LYPD6B: variants seen among roughly 807,000 people sequenced by gnomAD.
LYPD6B encodes the protein ly6/PLAUR domain-containing protein 6B.
Under a neutral mutation model 22.8 loss-of-function variants are expected in LYPD6B, and 17 were observed. The observed-to-expected ratio is 0.75, with a 90% CI of 0.51 to 1.12. The LOEUF (loss-of-function observed/expected upper bound fraction) is 1.12. Among genes scored for constraint, LYPD6B ranks in the 50% most tolerant of loss-of-function variants. LYPD6B has a pLI of 0.00. For missense variants in LYPD6B, 221 were observed against 258.3 expected, an observed-to-expected ratio of 0.86 and a Z score of 0.99; for synonymous variants, 106 against 91.6, an observed-to-expected ratio of 1.16 and a Z score of -0.90.
chr2:149,109,596 A>G (rs1489375195), intron 1 of LYPD6B, among the ~76,000 whole-genome samples: 2 of 152,138 alleles, frequency 1.3e-5, no homozygotes, highest in Admixed American at 6.5e-5. Flanking sequence ...TGTATCTTCA[A>G]ATATTTTTTC....
intron 4 of LYPD6B, among the ~76,000 whole-genome samples, chr2:149,207,909 G>A (rs1188385742): frequency 6.6e-6 from 1 of 151,952 alleles, no homozygotes. Flanking sequence ...ACTAATCTGT[G>A]GGGAGAACAG....
At chr2:149,171,669 C>A (rs1690833586) in intron 3 of LYPD6B, among the ~76,000 whole-genome samples, 1 of 151,976 alleles carries the variant, frequency 6.6e-6, no homozygotes, top group African/African-American at 2.4e-5. Context: ...ATATGGATGG[C>A]AGGGAAAGGT....
chr2:149,132,175 G>A (rs952686999), intron 2 of LYPD6B, among the ~76,000 whole-genome samples: 16 of 151,500 alleles, frequency 1.1e-4, no homozygotes, highest in African/African-American at 2.7e-4. Context: ...AAGAAGAGCC[G>A]TGCCTAGAAT....
chr2:149,079,614 CT>C (rs560022850), intron 1 of LYPD6B, among the ~76,000 whole-genome samples: 1 of 152,034 alleles, frequency 6.6e-6, no homozygotes, highest in African/African-American at 2.4e-5. Context: ...TTCGTATTCT[CT>C]TTTTTTTCTT....
At chr2:149,130,627 C>T (rs1427409645) in intron 1 of LYPD6B, among the ~76,000 whole-genome samples, 1 of 152,142 alleles carries the variant, frequency 6.6e-6, no homozygotes, top group Non-Finnish European at 1.5e-5. Context: ...CATTCTCCTT[C>T]CTAATTCTTG....
intron 1 of LYPD6B, among the ~76,000 whole-genome samples, chr2:149,118,867 A>T (rs1687139810): frequency 1.3e-5 from 2 of 152,206 alleles, no homozygotes; most frequent in African/African-American, 4.8e-5. Context: ...TCCCATTAAT[A>T]TAAACACACA....
In LYPD6B at chr2:149,113,073, A is replaced by G. The variant is rs141404393; in HGVS notation, c.-66-17810A>G. Among the ~76,000 whole-genome samples, 253 of 152,342 alleles carry G rather than the reference A, an allele frequency of 1.7e-3. 1 individual carries two copies. Among genetic ancestry groups the G allele is most frequent in the African/African-American group, 5.7e-3 (239 of 41,578 alleles). On this transcript the variant is annotated intron_variant, in intron 1 of 6. Coordinates refer to ENST00000409642, the MANE Select transcript of LYPD6B (RefSeq NM_177964.5). ...CCATCGGCAAAATCAGGTGGAGAAA[A>G]TGGAATGCATCAGAAAAATAAATTA... is the stretch of plus-strand genomic sequence containing the variant.
At chr2:149,053,349 A>T (rs1333055286) in intron 1 of LYPD6B, among the ~76,000 whole-genome samples, 1 of 152,228 alleles carries the variant, frequency 6.6e-6, no homozygotes, top group Non-Finnish European at 1.5e-5. Context: ...CAAAGTCTTC[A>T]TTGTACCTTT....
At chr2:149,149,788 A>G (rs1689253852) in intron 2 of LYPD6B, among the ~76,000 whole-genome samples, 2 of 152,168 alleles carry the variant, frequency 1.3e-5, no homozygotes, top group Non-Finnish European at 1.5e-5. Context: ...CCATGAATCA[A>G]TCCTTCCCCT....
Position 149,080,873 on chromosome 2 carries a change from C to CAAA in LYPD6B, c.-67+42077_-67+42079dup, listed in dbSNP as rs1191730619. ...AAAAAAAAAAAAAAAAAAAACCACA[C>CAAA]AAAAAAATTCAGTATATTAGGCAAT... On this transcript the variant is annotated intron_variant, in intron 1 of 6. Transcript: ENST00000409642. Among the ~76,000 whole-genome samples, 7 of 108,812 alleles carry CAAA rather than the reference C, an allele frequency of 6.4e-5. 2 individuals are homozygous for CAAA. The highest frequency in any genetic ancestry group is 9.0e-5 in the Admixed American group (1 of 11,080). The allele number at this position is 108,812 out of a possible 152,430, so 71.4% of individuals were successfully genotyped here. A position where few individuals can be genotyped will look rare whatever the true frequency, so the allele number is the denominator to read the frequency against.
chr2:149,102,110 A>G (rs1049071742), intron 1 of LYPD6B, among the ~76,000 whole-genome samples: 2 of 152,204 alleles, frequency 1.3e-5, no homozygotes, highest in Admixed American at 1.3e-4. Flanking sequence ...TCTTTTTAGA[A>G]TTACCTTCTC....
intron 1 of LYPD6B, among the ~76,000 whole-genome samples, chr2:149,039,942 A>G (rs1682994929): frequency 1.3e-5 from 2 of 152,184 alleles, no homozygotes; most frequent in Non-Finnish European, 2.9e-5. Flanking sequence ...CTATGTAGAA[A>G]TTGATTGGGT....
intron 1 of LYPD6B, among the ~76,000 whole-genome samples, chr2:149,116,735 A>G (rs1687024122): frequency 6.6e-6 from 1 of 152,170 alleles, no homozygotes; most frequent in Non-Finnish European, 1.5e-5. Context: ...CACTCAGCAA[A>G]CATTTGTTGA....
At chr2:149,146,863 CT>C (rs1689058921) in intron 2 of LYPD6B, among the ~76,000 whole-genome samples, 1 of 152,218 alleles carries the variant, frequency 6.6e-6, no homozygotes, top group South Asian at 2.1e-4. Context: ...ATTTCAAACA[CT>C]GTAGAATCTT....
intron 3 of LYPD6B, among the ~76,000 whole-genome samples, chr2:149,164,040 C>T (rs192836805): frequency 6.6e-6 from 1 of 151,680 alleles, no homozygotes; most frequent in Admixed American, 6.6e-5. Context: ...ATGAATGGGC[C>T]CTCAGAAGAA....
intron 1 of LYPD6B, among the ~76,000 whole-genome samples, chr2:149,062,175 C>T (rs536576396): frequency 3.3e-5 from 5 of 152,118 alleles, no homozygotes; most frequent in South Asian, 2.1e-4. Context: ...TTAGTAGAGA[C>T]GGGGTTTCTC....
At chr2:149,066,549 G>A (rs1684343536) in intron 1 of LYPD6B, among the ~76,000 whole-genome samples, 1 of 152,060 alleles carries the variant, frequency 6.6e-6, no homozygotes, top group African/African-American at 2.4e-5. Flanking sequence ...GTGTATATGT[G>A]CCACATTTTC....
Position 149,158,362 on chromosome 2 carries a change from T to C in LYPD6B, c.6-2402T>C, listed in dbSNP as rs531333305. ...TAAAAAGGAATGATATTCTGATACATACTACCACATGGATGAAACTTGAAA... is the reference window on the plus strand; with the variant it reads ...TAAAAAGGAATGATATTCTGATACACACTACCACATGGATGAAACTTGAAA... On this transcript the variant is annotated intron_variant, in intron 2 of 6. Transcript: ENST00000409642. 2.6e-5 allele frequency among the ~76,000 whole-genome samples: 4 copies of C among 152,346 alleles called. No individual in the cohort carries two copies. The South Asian group carries it at 8.3e-4, about 32-fold the overall frequency.
chr2:149,149,111 A>G (rs924317088), intron 2 of LYPD6B, among the ~76,000 whole-genome samples: 11 of 152,160 alleles, frequency 7.2e-5, no homozygotes, highest in Non-Finnish European at 1.2e-4. Flanking sequence ...CATTCCAGGC[A>G]TTTGGAGTTA....
Sources: gnomAD v4.1 joint callset for allele counts (sites outside exome capture counted in the v4.1 genomes callset) on GRCh38, gnomAD v4.1.1 for gene constraint, MANE v1.5 for transcripts, NCBI Gene and HGNC (gene_info 2026-07-23, HGNC 2026-07-21) for gene names.